MACROH2A1: variants seen among roughly 807,000 people sequenced by gnomAD.
MACROH2A1 encodes the protein core histone macro-H2A.1.
A neutral mutation model predicts 31.6 loss-of-function variants in MACROH2A1; 2 were observed. That is an observed-to-expected ratio of 0.06 (90% CI 0.03 to 0.20). The LOEUF (loss-of-function observed/expected upper bound fraction) is 0.20, where lower values mean the gene tolerates loss of function less well. MACROH2A1 is among the 10% of genes least tolerant of loss of function. The pLI, the probability that MACROH2A1 is intolerant of heterozygous loss-of-function variation, is 1.00. For synonymous variants in MACROH2A1, 169 were observed against 189.6 expected, an observed-to-expected ratio of 0.89 and a Z score of 0.89; for missense variants, 230 against 474.0, an observed-to-expected ratio of 0.49 and a Z score of 4.78.
intron 5 of MACROH2A1, chr5:135,358,479 G>C (rs1274162517): frequency 1.0e-6 from 1 of 985,396 alleles, no homozygotes; most frequent in African/African-American, 1.7e-5. Context: ...TGGTAGCCTG[G>C]TGTTTTGTTT....
At chr5:135,360,993 C>G (rs1484319608) in intron 4 of MACROH2A1, 5 of 346,672 alleles carry the variant, frequency 1.4e-5, no homozygotes, top group African/African-American at 4.3e-5. Context: ...AAAAACTGTT[C>G]TAGGTCACTA....
At position 135,369,880 on chromosome 5, in the gene MACROH2A1, G is replaced by A. The variant is rs1763966562; in HGVS notation, c.279+156C>T. ...CCCCAACACTCCCAATAAGGCCTTG[G>A]GGAAAAACTGCCATGGGAGGCAGAG... On this transcript the variant is annotated intron_variant, in intron 3 of 8. Transcript: ENST00000511689. The surrounding 1 kb of genome is among the most constrained non-coding windows in gnomAD (Gnocchi z 4.3). 1.3e-5 allele frequency among the ~76,000 whole-genome samples: 2 copies of A among 151,948 alleles called. No homozygotes were observed. Among genetic ancestry groups the A allele is most frequent in the African/African-American group, 4.8e-5 (2 of 41,418 alleles).
chr5:135,348,029 A>T (rs1581168024), intron 6 of MACROH2A1, among the ~76,000 whole-genome samples: 1 of 152,206 alleles, frequency 6.6e-6, no homozygotes, highest in South Asian at 2.1e-4. Context: ...GAGTGTTTAA[A>T]ATTTTTACTT....
Position 135,370,085 on chromosome 5 carries a change from G to A in MACROH2A1, c.230C>T (p.Thr77Ile). ...CACAGCCAGCAGGATGTGCCGGGGT[G>A]TGACCCGTCCCTTCTTGTTGTCTCT... The part of the protein sequence containing the change: ...AARDNKKGRV[T>I]PRHILLAVAN... The change falls in exon 3 of 9, where the codon ACA (threonine) becomes ATA (isoleucine). Residue 77 changes from threonine to isoleucine, a missense_variant. Physicochemically the swap from Thr to Ile is moderately conservative, Grantham distance 89. Coordinates refer to ENST00000511689, the MANE Select transcript of MACROH2A1 (RefSeq NM_138610.3). 1 of 1,613,952 alleles carries A rather than the reference G, an allele frequency of 6.2e-7. No homozygotes were observed. Among genetic ancestry groups the A allele is most frequent in the Non-Finnish European group, 8.5e-7 (1 of 1,179,882 alleles).
At chr5:135,346,180 G>C (rs2149749935) in intron 6 of MACROH2A1, 123 bp from the exon 7 acceptor site, 2 of 706,376 alleles carry the variant, frequency 2.8e-6, no homozygotes, top group East Asian at 2.6e-5. Context: ...CTGCAAAACA[G>C]GAACTAAGCC....
chr5:135,345,680 T>C (rs1015654990), intron 7 of MACROH2A1: 1 of 360,554 alleles, frequency 2.8e-6, no homozygotes, highest in Non-Finnish European at 5.1e-6. Context: ...CACTCTCAGC[T>C]CTTAGATGTA....
intron 8 of MACROH2A1, among the ~76,000 whole-genome samples, chr5:135,339,569 T>C (rs1422255478): frequency 2.6e-5 from 4 of 152,152 alleles, no homozygotes; most frequent in Non-Finnish European, 2.9e-5. Flanking sequence ...GAGCTTGCAA[T>C]TGACGGCTGG....
chr5:135,366,773 C>T (rs1763557547), intron 4 of MACROH2A1, among the ~76,000 whole-genome samples: 1 of 152,060 alleles, frequency 6.6e-6, no homozygotes, highest in African/African-American at 2.4e-5. Flanking sequence ...TACATGTGCC[C>T]TACTCAAAAA....
At chr5:135,343,527 A>G in intron 7 of MACROH2A1, 93 bp from the exon 8 acceptor site, 7 of 1,559,844 alleles carry the variant, frequency 4.5e-6, no homozygotes, top group Non-Finnish European at 6.1e-6. Context: ...GCCACGGTAT[A>G]TCTTCCTGGG....
chr5:135,389,990 A>G (rs1766985329), intron 1 of MACROH2A1, among the ~76,000 whole-genome samples: 1 of 152,166 alleles, frequency 6.6e-6, no homozygotes, highest in Admixed American at 6.5e-5. Flanking sequence ...AATTCTCATG[A>G]TAGAACCAGG....
rs1031182161 is a variant in MACROH2A1 at position 135,389,022 on chromosome 5, G to A, written c.72C>T (p.Pro24=). 13 of 1,613,814 alleles carry A rather than the reference G, an allele frequency of 8.1e-6. No individual in the cohort carries two copies. The highest frequency in any genetic ancestry group is 2.2e-5 in the East Asian group (1 of 44,880). The change falls in exon 2 of 9, where the codon CCC becomes CCT. Residue 24 remains proline, a synonymous_variant. Coordinates refer to ENST00000511689, the MANE Select transcript of MACROH2A1 (RefSeq NM_138610.3). ...TGATGTACCGCAGCATCCGCCCCAC[G>A]GGAAAGATGACTCCTGCTTTGGCAG... ...SRSAKAGVIF[P]VGRMLRYIKK... is the part of the protein sequence containing the mutation.
intron 5 of MACROH2A1, chr5:135,359,037 T>C (rs1321115297): frequency 1.0e-6 from 1 of 985,324 alleles, no homozygotes; most frequent in Non-Finnish European, 1.2e-6. Context: ...GCATCTGCAT[T>C]TTGCATGGAC....
chr5:135,384,738 A>G (rs1334051027), intron 2 of MACROH2A1, among the ~76,000 whole-genome samples: 2 of 152,246 alleles, frequency 1.3e-5, no homozygotes, highest in African/African-American at 4.8e-5. Flanking sequence ...ATGTCCAGGC[A>G]TGGAATAAGG....
Position 135,398,623 on chromosome 5 carries a change from G to A in MACROH2A1, c.-34+439C>T, listed in dbSNP as rs1768386725. ...GGGCCGGCAACTCGCGGGCCGGCGG[G>A]GGCCTCACCAAGTACAACTCTGCTC... On this transcript the variant is annotated intron_variant, in intron 1 of 8. Coordinates refer to ENST00000511689, the MANE Select transcript of MACROH2A1 (RefSeq NM_138610.3). This position sits in a 1 kb window ranked among gnomAD's most constrained non-coding sequence, Gnocchi z 4.6. Among the ~76,000 whole-genome samples the A allele has an allele frequency of 6.6e-6, 1 of 152,212 alleles. No individual in the cohort carries two copies. Among genetic ancestry groups the A allele is most frequent in the Non-Finnish European group, 1.5e-5 (1 of 68,032 alleles).
At chr5:135,387,680 G>A (rs999621105) in intron 2 of MACROH2A1, among the ~76,000 whole-genome samples, 1 of 152,154 alleles carries the variant, frequency 6.6e-6, no homozygotes, top group South Asian at 2.1e-4. Context: ...TATAACCCCA[G>A]ACAAGTCCTT....
chr5:135,353,216 T>C (rs189455487), intron 5 of MACROH2A1, 171 bp from the exon 6 acceptor site: 106 of 577,956 alleles, frequency 1.8e-4, no homozygotes, highest in Non-Finnish European at 2.9e-4. Flanking sequence ...ACTCAAATGC[T>C]GCTCGGGATG....
intron 8 of MACROH2A1, among the ~76,000 whole-genome samples, chr5:135,341,247 C>CTGAT (rs1225894043): frequency 1.3e-5 from 2 of 152,202 alleles, no homozygotes; most frequent in African/African-American, 4.8e-5. Flanking sequence ...GGCAGAGAGG[C>CTGAT]TGATTCATTT....
chr5:135,366,995 G>A (rs928892738), intron 4 of MACROH2A1, among the ~76,000 whole-genome samples: 1 of 152,160 alleles, frequency 6.6e-6, no homozygotes, highest in Non-Finnish European at 1.5e-5. Context: ...AGCTGACTCA[G>A]CTGTCACAAT....
chr5:135,390,721 T>C (rs1561671996), intron 1 of MACROH2A1, among the ~76,000 whole-genome samples: 1 of 152,098 alleles, frequency 6.6e-6, no homozygotes, highest in South Asian at 2.1e-4. Flanking sequence ...GCCACAGGGA[T>C]AGGAGTCCCT....
Sources: gnomAD v4.1 joint callset for allele counts (sites outside exome capture counted in the v4.1 genomes callset) on GRCh38, gnomAD v4.1.1 for gene constraint, Gnocchi (gnomAD v3.1) non-coding constraint, MANE v1.5 for transcripts, NCBI Gene and HGNC (gene_info 2026-07-23, HGNC 2026-07-21) for gene names.